The following CDH12 variants were observed in gnomAD, a reference collection of about 807,000 sequenced individuals.
CDH12 encodes the protein cadherin-12.
A neutral mutation model predicts 74.1 loss-of-function variants in CDH12; 41 were observed. That is an observed-to-expected ratio of 0.55 (90% CI 0.43 to 0.72). The LOEUF is 0.72. Among genes scored for constraint, CDH12 ranks in the 30% least tolerant of loss-of-function variants. CDH12 has a pLI of 0.00. For missense variants in CDH12, 945 were observed against 977.2 expected (o/e 0.97, Z 0.44); for synonymous variants, 399 against 355.0 (o/e 1.12, Z -1.39).
At chr5:22,306,125 T>C (rs747926451) in intron 3 of CDH12, among the ~76,000 whole-genome samples, 30 of 152,210 alleles carry the variant, frequency 2.0e-4, no homozygotes, top group Admixed American at 6.5e-4. Flanking sequence ...GATACAAATG[T>C]TTTCTTTTGC....
At chr5:22,761,312 G>T (rs1241858375) in intron 1 of CDH12, among the ~76,000 whole-genome samples, 1 of 152,124 alleles carries the variant, frequency 6.6e-6, no homozygotes, top group Non-Finnish European at 1.5e-5. Flanking sequence ...TCTCAGATGG[G>T]TCAATTTCTT....
At chr5:22,717,789 G>C (rs554506148) in intron 1 of CDH12, among the ~76,000 whole-genome samples, 1 of 152,160 alleles carries the variant, frequency 6.6e-6, no homozygotes, top group African/African-American at 2.4e-5. Context: ...GTTGCCTGAG[G>C]TTTGCAATTG....
intron 4 of CDH12, among the ~76,000 whole-genome samples, chr5:22,167,098 A>G (rs1156473181): frequency 6.6e-6 from 1 of 152,208 alleles, no homozygotes; most frequent in Admixed American, 6.5e-5. Context: ...TATACCTTTG[A>G]CAGGCATGAA....
chr5:21,817,183 A>G (rs750312273), intron 8 of CDH12, 51 bp from the exon 9 acceptor site: 1 of 1,254,940 alleles, frequency 8.0e-7, no homozygotes, highest in Non-Finnish European at 1.1e-6. Context: ...TAAGAGATAT[A>G]GTAAGATTAC....
At chr5:21,855,229 A>G (rs1750692963) in intron 6 of CDH12, among the ~76,000 whole-genome samples, 2 of 151,766 alleles carry the variant, frequency 1.3e-5, no homozygotes. Context: ...TTAAAAATTA[A>G]CAACTACCTA....
chr5:22,481,636 T>C (rs1347548976), intron 2 of CDH12, among the ~76,000 whole-genome samples: 1 of 152,178 alleles, frequency 6.6e-6, no homozygotes, highest in African/African-American at 2.4e-5. Flanking sequence ...ACATGAAGTA[T>C]CTGAAATATT....
At chr5:22,257,917 A>C (rs1753374741) in intron 3 of CDH12, among the ~76,000 whole-genome samples, 1 of 152,148 alleles carries the variant, frequency 6.6e-6, no homozygotes, top group African/African-American at 2.4e-5. Context: ...GGGTTAATCT[A>C]AGTGTCACAA....
chr5:22,455,941 T>C (rs2126572724), intron 2 of CDH12, among the ~76,000 whole-genome samples: 2 of 152,266 alleles, frequency 1.3e-5, no homozygotes, highest in East Asian at 3.9e-4. Context: ...TGATTGATGT[T>C]CAACATCTGG....
chr5:22,619,216 T>C (rs1001154823), intron 1 of CDH12, among the ~76,000 whole-genome samples: 3 of 152,118 alleles, frequency 2.0e-5, no homozygotes, highest in Non-Finnish European at 4.4e-5. Flanking sequence ...ACTATACTGC[T>C]TTTGGGGTGA....
At chr5:21,927,944 C>G (rs990602142) in intron 6 of CDH12, among the ~76,000 whole-genome samples, 2 of 150,676 alleles carry the variant, frequency 1.3e-5, no homozygotes, top group African/African-American at 4.9e-5. Flanking sequence ...TGGTAGCTGG[C>G]GCCTGCAGTC....
rs141943792 is a variant in CDH12, at chr5:22,468,557, C to T, written c.-428+36713G>A. ...ATACCAGTCCCCTTCTTGAGAATAG[C>T]ATTTATTTGACTTTTATAAAAACAT... On this transcript the variant is annotated intron_variant, in intron 2 of 14. Coordinates refer to ENST00000382254, the MANE Select transcript of CDH12 (RefSeq NM_004061.5). 7.3e-3 allele frequency among the ~76,000 whole-genome samples: 1,109 copies of T among 152,186 alleles called. 20 individuals are homozygous for T. The highest frequency in any genetic ancestry group is 0.025 in the African/African-American group (1,051 of 41,534).
intron 5 of CDH12, among the ~76,000 whole-genome samples, chr5:22,066,815 T>C (rs146642926): frequency 6.6e-6 from 1 of 152,310 alleles, no homozygotes; most frequent in African/African-American, 2.4e-5. Flanking sequence ...TCTACTCTCC[T>C]ATTTGGTCTG....
At chr5:22,040,141 C>G (rs1362930832) in intron 5 of CDH12, among the ~76,000 whole-genome samples, 1 of 151,506 alleles carries the variant, frequency 6.6e-6, no homozygotes, top group Non-Finnish European at 1.5e-5. Flanking sequence ...AAACATAAAT[C>G]TTGAAGCTAA....
At chr5:21,946,367 T>C (rs1403105470) in intron 6 of CDH12, among the ~76,000 whole-genome samples, 2 of 152,196 alleles carry the variant, frequency 1.3e-5, no homozygotes, top group Non-Finnish European at 2.9e-5. Context: ...ATAATCAAAC[T>C]TCTGTTAAGT....
chr5:22,387,029 T>C (rs891796094), intron 3 of CDH12, among the ~76,000 whole-genome samples: 1 of 151,992 alleles, frequency 6.6e-6, no homozygotes, highest in Non-Finnish European at 1.5e-5. Context: ...TAAAGTAATA[T>C]GATTAAGTCT....
At chr5:21,787,373 C>T (rs1028658065) in intron 10 of CDH12, among the ~76,000 whole-genome samples, 1 of 152,078 alleles carries the variant, frequency 6.6e-6, no homozygotes, top group East Asian at 1.9e-4. Context: ...AACAAGATTA[C>T]AACTTGCTGA....
At chr5:22,805,266 A>G (rs1232143238) in intron 1 of CDH12, among the ~76,000 whole-genome samples, 6 of 152,120 alleles carry the variant, frequency 3.9e-5, no homozygotes, top group African/African-American at 9.6e-5. Context: ...GTAATAAAAT[A>G]CTATGCAATA....
chr5:22,744,143 G>C (rs557763039), intron 1 of CDH12, among the ~76,000 whole-genome samples: 159 of 152,088 alleles, frequency 1.0e-3, no homozygotes, highest in African/African-American at 3.8e-3. Flanking sequence ...TAAAACTCCA[G>C]TATAGGCCAG....
chr5:22,096,517 C>G (rs567954880), intron 4 of CDH12, among the ~76,000 whole-genome samples: 9 of 152,190 alleles, frequency 5.9e-5, no homozygotes, highest in African/African-American at 2.2e-4. Flanking sequence ...GGTGCCAATT[C>G]TTCCTCAGCC....
Sources: allele counts gnomAD v4.1 joint callset (sites outside exome capture counted in the v4.1 genomes callset), GRCh38; gene constraint gnomAD v4.1.1; transcripts MANE v1.5; gene names NCBI Gene and HGNC (gene_info 2026-07-23, HGNC 2026-07-21).